The following SLC12A9 variants were observed in gnomAD, a reference collection of about 807,000 sequenced individuals.
SLC12A9 encodes CCC-interacting protein 1.
A neutral mutation model predicts 66.0 loss-of-function variants in SLC12A9; 55 were observed. The observed-to-expected ratio is 0.83, with a 90% CI of 0.67 to 1.04. SLC12A9 has a LOEUF of 1.04. Ranked by LOEUF, SLC12A9 falls within the 50% of genes least tolerant of loss-of-function variation. SLC12A9 has a pLI of 0.00. For synonymous variants in SLC12A9, 577 were observed against 569.0 expected (o/e 1.01, Z -0.20); for missense variants, 1,061 against 1,241.9 (o/e 0.85, Z 2.19).
At chr7:100,842,148 C>T (rs984350177) in intron 1 of SLC12A9, among the ~76,000 whole-genome samples, 8 of 151,968 alleles carry the variant, frequency 5.3e-5, no homozygotes, top group Non-Finnish European at 7.4e-5. Context: ...TCATCACATC[C>T]GAGTCAAGAA....
intron 13 of SLC12A9, among the ~76,000 whole-genome samples, chr7:100,863,445 T>C (rs1814886924): frequency 6.6e-6 from 1 of 152,144 alleles, no homozygotes; most frequent in Admixed American, 6.6e-5. Context: ...GGAGCATTAT[T>C]TGAATCTCCA....
chr7:100,848,835 G>A (rs1254542188), upstream of SLC12A9, among the ~76,000 whole-genome samples: 5 of 151,304 alleles, frequency 3.3e-5, no homozygotes, highest in African/African-American at 9.7e-5. Flanking sequence ...GCAGTGAGCC[G>A]AGATCGTGCC....
rs748673134 is a variant in SLC12A9, at chr7:100,861,494, G to T, written c.1446G>T (p.Leu482=). 1 of 1,613,830 alleles carries T rather than the reference G, an allele frequency of 6.2e-7. No homozygotes were observed. Among genetic ancestry groups the T allele is most frequent in the Non-Finnish European group, 8.5e-7 (1 of 1,180,034 alleles). Residue 482 remains leucine (L), a synonymous_variant, in exon 11 of 14, where the codon CTG becomes CTT. Coordinates refer to ENST00000354161, the MANE Select transcript of SLC12A9 (RefSeq NM_020246.4). This position sits in a 1 kb window ranked among gnomAD's most constrained non-coding sequence, Gnocchi z 5.3. ...LISPGAAGGS[L]LLMGLLAALL... The stretch of plus-strand genomic sequence containing the variant: ...GTCCTGGCGCGGCTGGTGGCTCCCT[G>T]CTCCTCATGGGTCTGCTGGCTGCCC...
At chr7:100,846,118 G>A (rs1813906702) in intron 1 of SLC12A9, among the ~76,000 whole-genome samples, 1 of 152,208 alleles carries the variant, frequency 6.6e-6, no homozygotes. Context: ...CATGTGCCTA[G>A]GCAAGTGTGG....
chr7:100,855,575 T>G (rs985605770), intron 3 of SLC12A9, 131 bp from the exon 4 acceptor site: 11 of 1,134,652 alleles, frequency 9.7e-6, no homozygotes, highest in Middle Eastern at 4.0e-4. Context: ...ACTCAGAGGA[T>G]ATGAGTGACT....
At chr7:100,858,794 C>G (rs376025911) in intron 5 of SLC12A9, 41 bp from the exon 6 acceptor site, 1 of 1,597,066 alleles carries the variant, frequency 6.3e-7, no homozygotes, top group Non-Finnish European at 8.6e-7. Context: ...ATCCCTGAGA[C>G]GGATGCTGAT....
upstream of SLC12A9, among the ~76,000 whole-genome samples, chr7:100,851,784 C>CAAAAA (rs66749400): frequency 0.16 from 11,762 of 73,730 alleles, 1,209 homozygotes; most frequent in East Asian, 0.61. Flanking sequence ...GTTCCTGGAT[C>CAAAAA]AAAAAAAAAA....
At chr7:100,850,445 G>A (rs1223473460), upstream of SLC12A9, among the ~76,000 whole-genome samples, 2 of 151,492 alleles carry the variant, frequency 1.3e-5, no homozygotes, top group African/African-American at 4.9e-5. Context: ...CTTCTGTGTT[G>A]CCCAGGCTGG....
At chr7:100,854,463 T>C in intron 2 of SLC12A9, 85 bp downstream of exon 2, 1 of 1,590,340 alleles carries the variant, frequency 6.3e-7, no homozygotes, top group Non-Finnish European at 8.6e-7. Context: ...TGGGATAAGA[T>C]TAGGAAGGGG....
Position 100,856,920 on chromosome 7 carries a change from C to G in SLC12A9, c.501C>G (p.Asn167Lys). 1 of 1,611,776 alleles carries G rather than the reference C, an allele frequency of 6.2e-7. No homozygotes were observed. Among genetic ancestry groups the G allele is most frequent in the Non-Finnish European group, 8.5e-7 (1 of 1,179,814 alleles). Reference protein sequence around the residue: ...LRVLPQGYGWNLLYGSLLLGL... With the variant: ...LRVLPQGYGWKLLYGSLLLGL... Reference sequence around the variant, plus strand: ...TCCTGCCCCAGGGCTACGGCTGGAACCTGCTGTATGGCTCCCTGCTGCTGG... The same window carrying G: ...TCCTGCCCCAGGGCTACGGCTGGAAGCTGCTGTATGGCTCCCTGCTGCTGG... The change falls in exon 5 of 14, where the codon AAC becomes AAG. Residue 167 changes from asparagine (N) to lysine (K), a missense_variant. Transcript: ENST00000354161.
intron 1 of SLC12A9, among the ~76,000 whole-genome samples, chr7:100,827,686 G>T (rs771292899): frequency 7.2e-4 from 110 of 152,144 alleles, no homozygotes; most frequent in Non-Finnish European, 1.3e-3. Context: ...GGAGCAGGTC[G>T]GGAAGTTGAG....
chr7:100,865,162 T>C (rs1814993382), intron 13 of SLC12A9: 1 of 1,127,782 alleles, frequency 8.9e-7, no homozygotes, highest in Non-Finnish European at 1.3e-6. Flanking sequence ...TTCACCGTAT[T>C]GGCCAGGCTG....
chr7:100,831,643 T>G (rs1458519035), intron 1 of SLC12A9, among the ~76,000 whole-genome samples: 1 of 152,126 alleles, frequency 6.6e-6, no homozygotes, highest in Non-Finnish European at 1.5e-5. Context: ...GGCTAATAAG[T>G]TTACTTTTTC....
At chr7:100,831,625 C>A (rs763781303) in intron 1 of SLC12A9, among the ~76,000 whole-genome samples, 7 of 152,204 alleles carry the variant, frequency 4.6e-5, no homozygotes, top group Admixed American at 6.5e-5. Context: ...CGCGCGGGGA[C>A]CATGCCCGGC....
intron 2 of SLC12A9, 62 bp downstream of exon 2, chr7:100,854,440 G>T: frequency 6.3e-7 from 1 of 1,598,280 alleles, no homozygotes; most frequent in Non-Finnish European, 8.5e-7. Context: ...ATGGGGAGGG[G>T]TGGAGATGGG....
Position 100,854,396 on chromosome 7 carries a change from C to G in SLC12A9, c.181+18C>G. On this transcript the variant is annotated intron_variant, in intron 2 of 13. Transcript: ENST00000354161. ...GAGGATTGGTGAGTGGGTCCTGGGGCGGGTGTGGACTGACTATAGTATGGG... is the reference window on the plus strand; with the variant it reads ...GAGGATTGGTGAGTGGGTCCTGGGGGGGGTGTGGACTGACTATAGTATGGG... 6.2e-7 allele frequency: 1 copy of G among 1,609,430 alleles called. No individual in the cohort carries two copies. The highest frequency in any genetic ancestry group is 8.5e-7 in the Non-Finnish European group (1 of 1,178,846).
At chr7:100,829,562 G>A (rs1813503358) in intron 1 of SLC12A9, among the ~76,000 whole-genome samples, 1 of 152,026 alleles carries the variant, frequency 6.6e-6, no homozygotes, top group African/African-American at 2.4e-5. Flanking sequence ...GGCTTCACTG[G>A]AGCCAGGCAG....
At chr7:100,863,400 G>A (rs575024048) in intron 13 of SLC12A9, among the ~76,000 whole-genome samples, 17 of 152,126 alleles carry the variant, frequency 1.1e-4, no homozygotes, top group African/African-American at 4.1e-4. Context: ...AAAAATTGGG[G>A]CATAGGCACT....
In SLC12A9 at chr7:100,865,340, G is replaced by A; in HGVS notation, c.1859-379G>A. ...CAGGTCATGAGCTTGGCTGATCAGGGTGTCTGGTTTGCACAACAGAGTCAA... is the reference window on the plus strand; with the variant it reads ...CAGGTCATGAGCTTGGCTGATCAGGATGTCTGGTTTGCACAACAGAGTCAA... On this transcript the variant is annotated intron_variant, in intron 13 of 13. Transcript: ENST00000354161. 3.3e-6 allele frequency: 5 copies of A among 1,535,974 alleles called. No individual in the cohort carries two copies. The South Asian group carries it at 5.9e-5, about 18-fold the overall frequency.
Sources: allele counts gnomAD v4.1 joint callset (sites outside exome capture counted in the v4.1 genomes callset), GRCh38; gene constraint gnomAD v4.1.1; non-coding constraint Gnocchi (gnomAD v3.1); transcripts MANE v1.5; gene names NCBI Gene and HGNC (gene_info 2026-07-23, HGNC 2026-07-21).